PLAAT1: variants seen among roughly 807,000 people sequenced by gnomAD.
PLAAT1 encodes phospholipase A and acyltransferase 1, also known as H-REV107 protein-related protein.
PLAAT1 carries 13 observed loss-of-function variants against 16.4 expected under a neutral mutation model. That is an observed-to-expected ratio of 0.79 (90% CI 0.52 to 1.26). The LOEUF is 1.26. PLAAT1 is among the 50% of genes most tolerant of loss of function. The pLI is 0.00. For synonymous variants in PLAAT1, 73 were observed against 78.4 expected (o/e 0.93, Z 0.36); for missense variants, 218 against 207.8 (o/e 1.05, Z -0.30).
At chr3:193,244,453 A>T (rs1715902547) in intron 1 of PLAAT1, among the ~76,000 whole-genome samples, 1 of 151,082 alleles carries the variant, frequency 6.6e-6, no homozygotes, top group East Asian at 1.9e-4. Context: ...TAGATGTATA[A>T]TGATATCTCA....
upstream of PLAAT1, among the ~76,000 whole-genome samples, chr3:193,240,618 C>T (rs927710683): frequency 1.8e-3 from 3 of 1,700 alleles, no homozygotes; most frequent in Non-Finnish European, 4.3e-3. Context: ...GGGAGGGGGG[C>T]GGGGCGGGGT....
At chr3:193,276,789 C>T in intron 2 of PLAAT1, 1 of 1,613,520 alleles carries the variant, frequency 6.2e-7, no homozygotes, top group East Asian at 2.2e-5. Flanking sequence ...TGAGGGCTAC[C>T]ACCAAAATTA....
intron 1 of PLAAT1, among the ~76,000 whole-genome samples, chr3:193,243,342 C>CA (rs5855474): frequency 0.39 from 59,991 of 151,926 alleles, 13,536 homozygotes; most frequent in Admixed American, 0.5. Flanking sequence ...AAAACTTACC[C>CA]AATCAGACAG....
chr3:193,270,015 T>C (rs1027708098), intron 3 of PLAAT1, among the ~76,000 whole-genome samples: 1 of 152,024 alleles, frequency 6.6e-6, no homozygotes, highest in African/African-American at 2.4e-5. Context: ...TAAGAGCTTA[T>C]GTGTATTTAG....
chr3:193,248,060 A>G (rs558505820), intron 1 of PLAAT1, among the ~76,000 whole-genome samples: 2 of 152,318 alleles, frequency 1.3e-5, no homozygotes, highest in South Asian at 2.1e-4. Flanking sequence ...CATCAGATCT[A>G]TTAATATTTG....
intron 1 of PLAAT1, among the ~76,000 whole-genome samples, chr3:193,244,340 A>T (rs1357368890): frequency 6.6e-6 from 1 of 152,166 alleles, no homozygotes; most frequent in Non-Finnish European, 1.5e-5. Context: ...GTAGCTACAC[A>T]TTCCCACCAG....
chr3:193,245,260 C>T (rs1247547743), intron 1 of PLAAT1, among the ~76,000 whole-genome samples: 1 of 152,114 alleles, frequency 6.6e-6, no homozygotes. Flanking sequence ...ATGAGGTCAG[C>T]GTTTTTAGAT....
intron 3 of PLAAT1, among the ~76,000 whole-genome samples, chr3:193,269,331 G>T (rs991715966): frequency 6.6e-6 from 1 of 152,002 alleles, no homozygotes; most frequent in Non-Finnish European, 1.5e-5. Context: ...CCTGGCATCT[G>T]GGGGTTGGAG....
At chr3:193,244,357 A>ATG (rs1715896634) in intron 1 of PLAAT1, among the ~76,000 whole-genome samples, 1 of 152,146 alleles carries the variant, frequency 6.6e-6, no homozygotes, top group Non-Finnish European at 1.5e-5. Context: ...CCAGCAGTGA[A>ATG]TGAGTGATCC....
chr3:193,257,861 A>G (rs1326432262), intron 2 of PLAAT1, among the ~76,000 whole-genome samples: 2 of 152,162 alleles, frequency 1.3e-5, no homozygotes, highest in Non-Finnish European at 2.9e-5. Context: ...TCTTTCTCCC[A>G]TGCTGGATGC....
chr3:193,263,673 A>G (rs1577309382), intron 3 of PLAAT1, among the ~76,000 whole-genome samples: 1 of 152,216 alleles, frequency 6.6e-6, no homozygotes, highest in East Asian at 1.9e-4. Flanking sequence ...CTAATGACAT[A>G]TCTTAGTGGG....
At chr3:193,270,929 TC>T, downstream of PLAAT1, 1 of 833,572 alleles carries the variant, frequency 1.2e-6, no homozygotes, top group Non-Finnish European at 1.6e-6. Flanking sequence ...GAAGCAGTAG[TC>T]TTTTGAGTGA....
At chr3:193,273,004 A>G (rs1717038692), downstream of PLAAT1, among the ~76,000 whole-genome samples, 1 of 152,218 alleles carries the variant, frequency 6.6e-6, no homozygotes, top group African/African-American at 2.4e-5. Context: ...AATGGAGTTC[A>G]ACTTTATCAC....
chr3:193,258,447 T>C (rs1036520438), intron 2 of PLAAT1, among the ~76,000 whole-genome samples: 1 of 149,174 alleles, frequency 6.7e-6, no homozygotes, highest in Non-Finnish European at 1.5e-5. Flanking sequence ...CAAAAATCCA[T>C]GCAAAATTAA....
At chr3:193,255,328 GTTATA>G (rs1391335127) in intron 1 of PLAAT1, among the ~76,000 whole-genome samples, 2 of 151,962 alleles carry the variant, frequency 1.3e-5, no homozygotes, top group Non-Finnish European at 2.9e-5. Context: ...ATCTGTGTAA[GTTATA>G]TTATCCAGGG....
intron 2 of PLAAT1, among the ~76,000 whole-genome samples, chr3:193,276,255 T>A (rs1279802858): frequency 6.6e-6 from 1 of 152,238 alleles, no homozygotes; most frequent in African/African-American, 2.4e-5. Context: ...TTGAGCCTCT[T>A]ACTAAGTGGG....
At chr3:193,262,006 A>G (rs1456489091) in intron 2 of PLAAT1, among the ~76,000 whole-genome samples, 3 of 152,218 alleles carry the variant, frequency 2.0e-5, no homozygotes, top group African/African-American at 7.2e-5. Flanking sequence ...AGTCATTACT[A>G]AAAGAGAAAG....
chr3:193,251,054 AG>A (rs1055488838), intron 1 of PLAAT1, among the ~76,000 whole-genome samples: 4 of 62,650 alleles, frequency 6.4e-5, no homozygotes, highest in Non-Finnish European at 2.2e-4. Context: ...AAGAAGTCTC[AG>A]ATCTTTTTTG....
At chr3:193,250,852 C>A (rs1034425225) in intron 1 of PLAAT1, among the ~76,000 whole-genome samples, 2 of 151,042 alleles carry the variant, frequency 1.3e-5, no homozygotes, top group African/African-American at 4.9e-5. Context: ...CACCCCCGCA[C>A]CTTTTTCCAA....
Sources: gnomAD v4.1 joint callset for allele counts (sites outside exome capture counted in the v4.1 genomes callset) on GRCh38, gnomAD v4.1.1 for gene constraint, MANE v1.5 for transcripts, NCBI Gene and HGNC (gene_info 2026-07-23, HGNC 2026-07-21) for gene names.